ANKS3: variants seen among roughly 807,000 people sequenced by gnomAD.
ANKS3 encodes the protein ankyrin repeat and sterile alpha motif domain containing 3, also known as ankyrin repeat and SAM domain-containing protein 3.
ANKS3 carries 62 observed loss-of-function variants against 80.7 expected under a neutral mutation model. The observed-to-expected ratio is 0.77, with a 90% CI of 0.63 to 0.95. The LOEUF is 0.95. Ranked by LOEUF, ANKS3 falls within the 40% of genes least tolerant of loss-of-function variation. ANKS3 has a pLI of 0.00. For synonymous variants in ANKS3, 489 were observed against 355.3 expected, an observed-to-expected ratio of 1.38 and a Z score of -4.23; for missense variants, 1,150 against 883.6, an observed-to-expected ratio of 1.30 and a Z score of -3.82.
At chr16:4,727,454 G>A in intron 3 of ANKS3, 1 of 524,468 alleles carries the variant, frequency 1.9e-6, no homozygotes, top group African/African-American at 1.9e-5. Context: ...CAGATAGGCA[G>A]ATGGCACTCA....
At chr16:4,725,691 C>G (rs1288638949) in intron 5 of ANKS3, among the ~76,000 whole-genome samples, 6 of 152,136 alleles carry the variant, frequency 3.9e-5, no homozygotes, top group African/African-American at 1.4e-4. Context: ...GAGTTTTGCT[C>G]TTGTTGCTCA....
chr16:4,722,424 C>G (rs991748772), intron 6 of ANKS3, among the ~76,000 whole-genome samples: 2 of 151,524 alleles, frequency 1.3e-5, no homozygotes, highest in African/African-American at 2.4e-5. Flanking sequence ...ACTAAAAATA[C>G]AAAAAATTAG....
chr16:4,702,301 G>C, intron 8 of ANKS3, 59 bp from the exon 9 acceptor site: 1 of 1,402,776 alleles, frequency 7.1e-7, no homozygotes, highest in Non-Finnish European at 9.3e-7. Context: ...CTCCTCAGAG[G>C]CCGAGGCCCA....
intron 6 of ANKS3, among the ~76,000 whole-genome samples, chr16:4,720,287 C>G (rs577305286): frequency 6.7e-6 from 1 of 150,070 alleles, no homozygotes; most frequent in East Asian, 2.0e-4. Context: ...CATGGTGAAA[C>G]CCTGTCTCTA....
Position 4,701,008 on chromosome 16 carries a change from T to C in ANKS3, c.1246A>G (p.Ser416Gly). The change falls in exon 11 of 18, where the codon AGC becomes GGC. Residue 416 changes from serine (S) to glycine (G), a missense_variant. Ser to Gly is a moderately conservative substitution (Grantham distance 56). Transcript: ENST00000304283. ...TDREGFLAES[S>G]PQTQRAPYSG... Reference sequence around the variant, plus strand: ...TAGGGGGCCCTCTGAGTCTGGGGGCTGGACTCAGCGAGAAAGCCTTCCCTG... The same window carrying C: ...TAGGGGGCCCTCTGAGTCTGGGGGCCGGACTCAGCGAGAAAGCCTTCCCTG... The C allele has an allele frequency of 1.9e-6, 3 of 1,614,086 alleles. No individual in the cohort carries two copies. The highest frequency in any genetic ancestry group is 2.5e-6 in the Non-Finnish European group (3 of 1,180,002).
In ANKS3 at chr16:4,698,982, A is replaced by G. The variant is rs759513353; in HGVS notation, c.1410-41T>C. The stretch of plus-strand genomic sequence containing the variant: ...GACCAGGATATGCCTCAGCGTCCCA[A>G]GAGCGCTTACATGAGTGGGAGTTTG... On this transcript the variant is annotated intron_variant, in intron 12 of 17. Coordinates refer to ENST00000304283, the MANE Select transcript of ANKS3 (RefSeq NM_133450.4). 6 of 1,613,468 alleles carry G rather than the reference A, an allele frequency of 3.7e-6. No individual in the cohort carries two copies. In the Admixed American group the frequency reaches 5.0e-5, roughly 13 times the overall value.
chr16:4,698,666 C>T (rs1404361141), intron 13 of ANKS3, 67 bp from the exon 14 acceptor site: 2 of 1,530,136 alleles, frequency 1.3e-6, no homozygotes, highest in Non-Finnish European at 1.7e-6. Flanking sequence ...TTGGCCACGG[C>T]CCTGTCCTGT....
Position 4,715,582 on chromosome 16 carries a change from C to T in ANKS3, c.574-1396G>A, listed in dbSNP as rs528168638. Among the ~76,000 whole-genome samples, 6 of 151,990 alleles carry T rather than the reference C, an allele frequency of 3.9e-5. No individual in the cohort carries two copies. In the South Asian group the frequency reaches 8.3e-4, roughly 21 times the overall value. On this transcript the variant is annotated intron_variant, in intron 6 of 17. Coordinates refer to ENST00000304283, the MANE Select transcript of ANKS3 (RefSeq NM_133450.4). ...CTGTACTCCAGCCTGGGCAATAGAG[C>T]GAGACCTTGTCTCAAAAAAATAAAA...
At chr16:4,700,581 A>C (rs1255151314) in intron 11 of ANKS3, 3 of 362,348 alleles carry the variant, frequency 8.3e-6, no homozygotes, top group African/African-American at 4.3e-5. Flanking sequence ...GGACCACAGA[A>C]AGGAGGAGGA....
chr16:4,705,345 G>A (rs2080127750), intron 7 of ANKS3, 92 bp from the exon 8 acceptor site: 16 of 1,475,536 alleles, frequency 1.1e-5, no homozygotes, highest in South Asian at 2.6e-5. Flanking sequence ...GACTGTCGCC[G>A]GTTTTGTTAA....
At chr16:4,732,422 G>A (rs2081671774) in intron 1 of ANKS3, among the ~76,000 whole-genome samples, 1 of 152,106 alleles carries the variant, frequency 6.6e-6, no homozygotes, top group Non-Finnish European at 1.5e-5. Flanking sequence ...CATCCCCAGA[G>A]GTCTGAAGGA....
chr16:4,701,615 G>A, intron 9 of ANKS3, 72 bp from the exon 10 acceptor site: 2 of 1,367,702 alleles, frequency 1.5e-6, no homozygotes, highest in Non-Finnish European at 2.0e-6. Context: ...GCCCCGGGCT[G>A]AGCCGCCTCC....
chr16:4,698,760 G>T (rs375505524), intron 13 of ANKS3, 40 bp downstream of exon 13: 1 of 1,567,626 alleles, frequency 6.4e-7, no homozygotes, highest in Non-Finnish European at 8.6e-7. Context: ...CCAACTCACG[G>T]GTGTCACCCT....
chr16:4,713,249 C>G (rs181357264), intron 7 of ANKS3, among the ~76,000 whole-genome samples: 5 of 151,846 alleles, frequency 3.3e-5, no homozygotes, highest in African/African-American at 1.2e-4. Context: ...GCCTGAGCAA[C>G]AAGAGCGAAA....
In ANKS3 at chr16:4,699,548, G is replaced by A. The variant is rs80068896; in HGVS notation, c.1285-372C>T. On this transcript the variant is annotated intron_variant, in intron 11 of 17. Coordinates refer to ENST00000304283, the MANE Select transcript of ANKS3 (RefSeq NM_133450.4). ...GTGTCGGATGTTCTGATTTCCACTT[G>A]TCTAAGCGCAGCTCTTCTCCGAGTT... is the stretch of plus-strand genomic sequence containing the variant. The A allele has an allele frequency of 3.6e-4, 91 of 250,482 alleles. 2 individuals are homozygous for A. In the East Asian group the frequency reaches 7.2e-3, roughly 20 times the overall value. The allele number at this position is 250,482 out of a possible 1,614,324, so 15.5% of individuals were successfully genotyped here. A position where few individuals can be genotyped will look rare whatever the true frequency, so the allele number is the denominator to read the frequency against.
intron 11 of ANKS3, chr16:4,700,555 T>G: frequency 5.7e-6 from 2 of 348,972 alleles, no homozygotes; most frequent in East Asian, 7.7e-5. Flanking sequence ...ATCCCTAAGG[T>G]AATGTGTGGT....
At chr16:4,712,485 A>G (rs1404649286) in intron 7 of ANKS3, among the ~76,000 whole-genome samples, 2 of 152,166 alleles carry the variant, frequency 1.3e-5, no homozygotes, top group Non-Finnish European at 2.9e-5. Context: ...AAAACACATT[A>G]AAATAGTACA....
intron 1 of ANKS3, among the ~76,000 whole-genome samples, chr16:4,732,152 G>A (rs2081651256): frequency 6.9e-6 from 1 of 145,376 alleles, no homozygotes; most frequent in Non-Finnish European, 1.5e-5. Flanking sequence ...GGCAAGCAAA[G>A]CCCTCCTTCC....
intron 13 of ANKS3, 57 bp from the exon 14 acceptor site, chr16:4,698,656 T>G: frequency 6.5e-7 from 1 of 1,530,224 alleles, no homozygotes; most frequent in Non-Finnish European, 8.7e-7. Context: ...AGCCAGACCC[T>G]TGGCCACGGC....
Sources: allele counts gnomAD v4.1 joint callset (sites outside exome capture counted in the v4.1 genomes callset), GRCh38; gene constraint gnomAD v4.1.1; transcripts MANE v1.5; gene names NCBI Gene and HGNC (gene_info 2026-07-23, HGNC 2026-07-21).